Variants in CASZ1 observed in about 807,000 individuals in gnomAD.
CASZ1 encodes the protein castor zinc finger 1, also known as zinc finger protein castor homolog 1.
In CASZ1, 28 loss-of-function variants were observed where a neutral mutation model predicts 135.2. That is an observed-to-expected ratio of 0.21 (90% CI 0.15 to 0.28). The LOEUF is 0.28. Among genes scored for constraint, CASZ1 ranks in the 10% least tolerant of loss-of-function variants. CASZ1 has a pLI of 1.00. For missense variants in CASZ1, 2,161 were observed against 2,453.3 expected, an observed-to-expected ratio of 0.88 and a Z score of 2.52; for synonymous variants, 1,068 against 1,073.4, an observed-to-expected ratio of 0.99 and a Z score of 0.10.
At chr1:10,695,348 G>A (rs936018538) in intron 3 of CASZ1, among the ~76,000 whole-genome samples, 3 of 152,112 alleles carry the variant, frequency 2.0e-5, no homozygotes, top group Non-Finnish European at 4.4e-5. Flanking sequence ...CGGTCTTCCG[G>A]TCTTTCTGCC....
At position 10,757,333 on chromosome 1, in the gene CASZ1, T is replaced by C. The variant is rs565894548; in HGVS notation, c.-77+3368A>G. ...TTCCTTGCCCCGTTGAATCCATCAT[T>C]GAGTCCTGCTAACTCTTCCTCTATA... On this transcript the variant is annotated intron_variant, in intron 2 of 20. Transcript: ENST00000377022. The surrounding 1 kb of genome is among the most constrained non-coding windows in gnomAD (Gnocchi z 4.6). Among the ~76,000 whole-genome samples, 3 of 152,236 alleles carry C rather than the reference T, an allele frequency of 2.0e-5. No individual in the cohort carries two copies. In the South Asian group the frequency reaches 6.2e-4, roughly 32 times the overall value.
chr1:10,654,622 C>T (rs377056193), intron 9 of CASZ1, 31 bp from the exon 10 acceptor site: 24 of 1,603,172 alleles, frequency 1.5e-5, no homozygotes, highest in Admixed American at 6.7e-5. Flanking sequence ...GTCAGGCGAA[C>T]GGAGGCCAGG....
rs756390835 is a variant in CASZ1, at chr1:10,758,328, CTTTTTTTTTTT to C, written c.-77+2362_-77+2372del. Among the ~76,000 whole-genome samples, 4 of 134,356 alleles carry C rather than the reference CTTTTTTTTTTT, an allele frequency of 3.0e-5. No homozygotes were observed. The South Asian group carries it at 9.3e-4, about 31-fold the overall frequency. 88.1% of individuals were successfully genotyped at this position (134,356 alleles called of 152,430 possible). A position where few individuals can be genotyped will look rare whatever the true frequency, so the allele number is the denominator to read the frequency against. On this transcript the variant is annotated intron_variant, in intron 2 of 20. Coordinates refer to ENST00000377022, the MANE Select transcript of CASZ1 (RefSeq NM_001079843.3). ...ACGCCAGACCCTCTTCTCTCTCTCT[CTTTTTTTTTTT>C]TTTTTTTTTTGAGACAGAGTCTTGC...
At chr1:10,714,135 C>T (rs889660555) in intron 2 of CASZ1, among the ~76,000 whole-genome samples, 1 of 152,012 alleles carries the variant, frequency 6.6e-6, no homozygotes, top group African/African-American at 2.4e-5. Context: ...GGTGAAACCC[C>T]GTCTCTATGA....
intron 2 of CASZ1, among the ~76,000 whole-genome samples, chr1:10,753,359 G>A (rs994395644): frequency 7.2e-5 from 11 of 152,216 alleles, no homozygotes; most frequent in African/African-American, 2.4e-4. Flanking sequence ...GCCCTGCCCA[G>A]CCTCCTCCCT....
At chr1:10,728,533 C>T (rs1639637150) in intron 2 of CASZ1, among the ~76,000 whole-genome samples, 1 of 152,182 alleles carries the variant, frequency 6.6e-6, no homozygotes, top group South Asian at 2.1e-4. Context: ...TGTTTCTCTC[C>T]CCAGCTGTCT....
In CASZ1 at chr1:10,649,703, C is replaced by T. The variant is rs143834230; in HGVS notation, c.2881-266G>A. ...GTGCCGCGGGATCCATCACTCAAGCCGAGGCCGCGACTCAGGGTGCACGCT... is the reference window on the plus strand; with the variant it reads ...GTGCCGCGGGATCCATCACTCAAGCTGAGGCCGCGACTCAGGGTGCACGCT... On this transcript the variant is annotated intron_variant, in intron 13 of 20. Coordinates refer to ENST00000377022, the MANE Select transcript of CASZ1 (RefSeq NM_001079843.3). 148 of 435,534 alleles carry T rather than the reference C, an allele frequency of 3.4e-4. 1 individual carries two copies. Among genetic ancestry groups the T allele is most frequent in the African/African-American group, 2.8e-3 (141 of 50,874 alleles). 27.0% of individuals were successfully genotyped at this position (435,534 alleles called of 1,614,324 possible). A position where few individuals can be genotyped will look rare whatever the true frequency, so the allele number is the denominator to read the frequency against.
intron 5 of CASZ1, among the ~76,000 whole-genome samples, chr1:10,662,569 CAT>C (rs775625753): frequency 2.6e-5 from 4 of 151,646 alleles, no homozygotes; most frequent in Non-Finnish European, 5.9e-5. Flanking sequence ...CACACCCAGT[CAT>C]GTGCTCACAA....
rs1038077578 is a variant in CASZ1 at position 10,726,929 on chromosome 1, A to G, written c.-76-21385T>C. 5.3e-5 allele frequency among the ~76,000 whole-genome samples: 8 copies of G among 152,164 alleles called. No individual in the cohort carries two copies. Among genetic ancestry groups the G allele is most frequent in the Non-Finnish European group, 1.0e-4 (7 of 68,016 alleles). On this transcript the variant is annotated intron_variant, in intron 2 of 20. Coordinates refer to ENST00000377022, the MANE Select transcript of CASZ1 (RefSeq NM_001079843.3). The surrounding 1 kb of genome is among the most constrained non-coding windows in gnomAD (Gnocchi z 5.7). Reference sequence around the variant, plus strand: ...GCCAAACCCACTGAGGTGTCAGGTAAATAGCACCATGTGGGGCTTCCTGGC... The same window carrying G: ...GCCAAACCCACTGAGGTGTCAGGTAGATAGCACCATGTGGGGCTTCCTGGC...
rs541316124 is a variant in CASZ1, at chr1:10,794,342, C to T, written c.-234+2222G>A. Among the ~76,000 whole-genome samples the T allele has an allele frequency of 6.6e-5, 10 of 152,278 alleles. No individual in the cohort carries two copies. The East Asian group carries it at 1.9e-3, about 29-fold the overall frequency. ...TTTACTAACTTTGCCCCGCGACTAC[C>T]AGGGCCTTTTCCCCCTCGCCACCCC... On this transcript the variant is annotated intron_variant, in intron 1 of 20. Coordinates refer to ENST00000377022, the MANE Select transcript of CASZ1 (RefSeq NM_001079843.3). This position sits in a 1 kb window ranked among gnomAD's most constrained non-coding sequence, Gnocchi z 5.6.
chr1:10,779,276 A>G (rs1308363726), intron 1 of CASZ1, among the ~76,000 whole-genome samples: 1 of 127,974 alleles, frequency 7.8e-6, no homozygotes, highest in African/African-American at 3.2e-5. Flanking sequence ...TCATAATTTT[A>G]TAATTTTTTT....
intron 2 of CASZ1, among the ~76,000 whole-genome samples, chr1:10,745,878 T>A (rs1036156681): frequency 6.6e-6 from 1 of 152,204 alleles, no homozygotes; most frequent in Admixed American, 6.5e-5. Context: ...CACATGATCA[T>A]GAGCTCCTAT....
chr1:10,691,401 G>A (rs1638763919), intron 4 of CASZ1, among the ~76,000 whole-genome samples: 1 of 152,144 alleles, frequency 6.6e-6, no homozygotes, highest in Non-Finnish European at 1.5e-5. Flanking sequence ...AGAAGGCTTG[G>A]CTCTCCCACC....
intron 1 of CASZ1, among the ~76,000 whole-genome samples, chr1:10,772,821 T>C (rs1640599039): frequency 1.3e-5 from 2 of 152,140 alleles, no homozygotes; most frequent in Non-Finnish European, 2.9e-5. Context: ...TGAAGAGCTG[T>C]ATGGGTGGGC....
chr1:10,644,295 A>G (rs1273723878), intron 18 of CASZ1, among the ~76,000 whole-genome samples: 1 of 152,142 alleles, frequency 6.6e-6, no homozygotes, highest in Non-Finnish European at 1.5e-5. Flanking sequence ...GCTACCTCTC[A>G]GGCATCAGTG....
chr1:10,781,277 G>A (rs554434097), intron 1 of CASZ1, among the ~76,000 whole-genome samples: 3 of 152,260 alleles, frequency 2.0e-5, no homozygotes, highest in Non-Finnish European at 4.4e-5. Context: ...CGGAGGACAT[G>A]CAGGGAGATC....
At chr1:10,779,841 A>G (rs1640731351) in intron 1 of CASZ1, among the ~76,000 whole-genome samples, 1 of 152,218 alleles carries the variant, frequency 6.6e-6, no homozygotes, top group Non-Finnish European at 1.5e-5. Context: ...GACCCTATGA[A>G]GTGAGAAGGG....
In CASZ1 at chr1:10,639,516, G is replaced by C; in HGVS notation, c.4706C>G (p.Ser1569Trp). The C allele has an allele frequency of 6.2e-7, 1 of 1,611,780 alleles. No homozygotes were observed. The highest frequency in any genetic ancestry group is 8.5e-7 in the Non-Finnish European group (1 of 1,179,318). ...GCCCGGGAAGGTGCAGTGGAAGTGC[G>C]AGCACTTGAGCTTGTACTTGCAGTC... ...VPDCKYKLKC[S>W]HFHCTFPGCR... is the part of the protein sequence containing the mutation. Residue 1569 changes from serine to tryptophan, a missense_variant, in exon 21 of 21, where the codon TCG becomes TGG. Ser to Trp is a radical substitution (Grantham distance 177). Coordinates refer to ENST00000377022, the MANE Select transcript of CASZ1 (RefSeq NM_001079843.3). The surrounding 1 kb of genome is among the most constrained non-coding windows in gnomAD (Gnocchi z 4.0).
intron 7 of CASZ1, chr1:10,658,226 T>G: frequency 2.3e-6 from 1 of 429,756 alleles, no homozygotes; most frequent in Non-Finnish European, 4.3e-6. Flanking sequence ...CTGGGGGAGC[T>G]GCACTCACCT....
Sources: gnomAD v4.1 joint callset for allele counts (sites outside exome capture counted in the v4.1 genomes callset) on GRCh38, gnomAD v4.1.1 for gene constraint, Gnocchi (gnomAD v3.1) non-coding constraint, MANE v1.5 for transcripts, NCBI Gene and HGNC (gene_info 2026-07-23, HGNC 2026-07-21) for gene names.